The following TM2D2 variants were observed in gnomAD, a reference collection of about 807,000 sequenced individuals.
TM2D2 encodes TM2 domain containing 2.
A neutral mutation model predicts 23.0 loss-of-function variants in TM2D2; 19 were observed. That is an observed-to-expected ratio of 0.82 (90% CI 0.58 to 1.21). The LOEUF is 1.21. TM2D2 is among the 50% of genes most tolerant of loss of function. The probability of loss-of-function intolerance (pLI) is 0.00; values close to 1 mark genes in which losing one functional copy is unlikely to be tolerated. For synonymous variants in TM2D2, 120 were observed against 108.8 expected, an observed-to-expected ratio of 1.10 and a Z score of -0.64; for missense variants, 246 against 265.4, an observed-to-expected ratio of 0.93 and a Z score of 0.51.
chr8:38,992,303 CAAAAAAAAAAAAAAAA>C (rs11332696), intron 3 of TM2D2, among the ~76,000 whole-genome samples: 2 of 47,392 alleles, frequency 4.2e-5, no homozygotes, highest in African/African-American at 1.8e-4. Context: ...CTGTTTCTAC[CAAAAAAAAAAAAAAAA>C]AAAAAAAAAA....
intron 3 of TM2D2, 35 bp downstream of exon 3, chr8:38,993,510 C>A (rs772355117): frequency 6.6e-7 from 1 of 1,510,516 alleles, no homozygotes; most frequent in South Asian, 1.1e-5. Flanking sequence ...TACCTCCAAC[C>A]AAGTACCAAC....
In TM2D2 at chr8:38,995,367, T is replaced by G; in HGVS notation, c.266A>C (p.His89Pro). 6.2e-7 allele frequency: 1 copy of G among 1,608,616 alleles called. No individual in the cohort carries two copies. The highest frequency in any genetic ancestry group is 8.5e-7 in the Non-Finnish European group (1 of 1,178,474). Residue 89 changes from histidine to proline, a missense_variant, in exon 2 of 4, where the codon CAT (histidine) becomes CCT (proline). Transcript: ENST00000456397. The part of the protein sequence containing the change: ...EFIECEDPVD[H>P]VGNATASQEL... Reference sequence around the variant, plus strand: ...CTGGGATGCAGTTGCATTTCCAACATGATCCACTGGGTCTTCACATTCTAT... The same window carrying G: ...CTGGGATGCAGTTGCATTTCCAACAGGATCCACTGGGTCTTCACATTCTAT...
In TM2D2 at chr8:38,996,365, A is replaced by T; in HGVS notation, c.75T>A (p.Leu25=). The change falls in exon 1 of 4, where the codon CTT becomes CTA. Residue 25 remains leucine (L), a synonymous_variant. Coordinates refer to ENST00000456397, the MANE Select transcript of TM2D2 (RefSeq NM_078473.3). ...GQAALLLGNL[L]LLHCVSRSHS... ...GGCTCCGAGACACACAATGCAGCAG[A>T]AGTAAATTCCCCAGCAGCAAAGCCG... 1 of 1,614,182 alleles carries T rather than the reference A, an allele frequency of 6.2e-7. No individual in the cohort carries two copies. Among genetic ancestry groups the T allele is most frequent in the South Asian group, 1.1e-5 (1 of 91,084 alleles).
At position 38,991,341 on chromosome 8, in the gene TM2D2, A is replaced by G. The variant is rs773874281; in HGVS notation, c.636T>C (p.Thr212=). 4 of 1,613,930 alleles carry G rather than the reference A, an allele frequency of 2.5e-6. No individual in the cohort carries two copies. Among genetic ancestry groups the G allele is most frequent in the Non-Finnish European group, 3.4e-6 (4 of 1,179,888 alleles). The change falls in exon 4 of 4, where the codon ACT becomes ACC. Residue 212 remains threonine, a synonymous_variant. Coordinates refer to ENST00000456397, the MANE Select transcript of TM2D2 (RefSeq NM_078473.3). ...LMPSDGSNWC[T]VY is the part of the protein sequence containing the mutation. ...ATGATGGCAGCTCTTCTTAGTAAACAGTGCACCAGTTGCTGCCATCACTTG... is the reference window on the plus strand; with the variant it reads ...ATGATGGCAGCTCTTCTTAGTAAACGGTGCACCAGTTGCTGCCATCACTTG...
At chr8:38,996,691 T>C (rs1835815154), upstream of TM2D2, 1 of 1,422,652 alleles carries the variant, frequency 7.0e-7, no homozygotes, top group Non-Finnish European at 9.2e-7. Flanking sequence ...TGCTCCTCCT[T>C]CTTTTGCGCC....
intron 1 of TM2D2, chr8:38,995,906 T>TA (rs1835762849): frequency 1.2e-6 from 1 of 824,212 alleles, no homozygotes; most frequent in Non-Finnish European, 1.7e-6. Flanking sequence ...GACCGACTAA[T>TA]ACTCTCCTTG....
chr8:38,996,802 T>G, upstream of TM2D2: 1 of 1,429,370 alleles, frequency 7.0e-7, no homozygotes, highest in Non-Finnish European at 9.1e-7. Flanking sequence ...TAGTGCTGGT[T>G]GCCACCGCCG....
chr8:38,996,027 C>T (rs1258183140), intron 1 of TM2D2, among the ~76,000 whole-genome samples, 186 bp downstream of exon 1: 1 of 152,228 alleles, frequency 6.6e-6, no homozygotes, highest in Non-Finnish European at 1.5e-5. Context: ...GCCTCTGTCA[C>T]TGACACACAA....
intron 2 of TM2D2, among the ~76,000 whole-genome samples, chr8:38,994,314 T>C (rs1240726550): frequency 2.0e-5 from 3 of 152,236 alleles, no homozygotes; most frequent in Non-Finnish European, 2.9e-5. Context: ...ATTCATTTTT[T>C]ACTGGTACCT....
chr8:38,995,093 T>C, intron 2 of TM2D2: 2 of 438,298 alleles, frequency 4.6e-6, no homozygotes, highest in Non-Finnish European at 8.0e-6. Flanking sequence ...AAAGACAGGT[T>C]GGTCTTTGCA....
chr8:38,996,893 G>A, upstream of TM2D2: 3 of 1,465,260 alleles, frequency 2.0e-6, no homozygotes, highest in East Asian at 2.5e-5. Context: ...AGCGAGCTCG[G>A]ACCGAGGGCT....
chr8:38,991,765 T>C (rs969480536), intron 3 of TM2D2, among the ~76,000 whole-genome samples: 1 of 152,140 alleles, frequency 6.6e-6, no homozygotes, highest in East Asian at 1.9e-4. Context: ...AGGCACATCA[T>C]GTTATACAAG....
At chr8:38,996,608 A>G (rs543781073), upstream of TM2D2, 256 of 1,446,562 alleles carry the variant, frequency 1.8e-4, 1 homozygote, top group African/African-American at 3.4e-3. Context: ...CCAACCAACT[A>G]GAAAAGGTCG....
upstream of TM2D2, chr8:38,996,944 T>C (rs886928190): frequency 2.2e-5 from 31 of 1,419,088 alleles, no homozygotes; most frequent in African/African-American, 5.9e-5. Flanking sequence ...CGGGCGCGCG[T>C]GCTCGTCGGG....
At chr8:38,996,590 C>A (rs940855412), upstream of TM2D2, 11 of 1,457,506 alleles carry the variant, frequency 7.5e-6, no homozygotes, top group South Asian at 1.4e-5. Context: ...ACGCTCCGCG[C>A]ACCTCCGCCA....
At chr8:38,996,862 G>C (rs1835822605), upstream of TM2D2, 2 of 1,458,340 alleles carry the variant, frequency 1.4e-6, no homozygotes, top group African/African-American at 2.8e-5. Flanking sequence ...CCCTACGTCA[G>C]CGCAGCTAGG....
chr8:38,991,319 A>C lies in TM2D2; in HGVS notation c.*13T>G, dbSNP rs762226465. Reference sequence around the variant, plus strand: ...CTTTCACCCGCCTCCCTGGGCCATGATGGCAGCTCTTCTTAGTAAACAGTG... The same window carrying C: ...CTTTCACCCGCCTCCCTGGGCCATGCTGGCAGCTCTTCTTAGTAAACAGTG... On this transcript the variant is annotated 3_prime_UTR_variant, in exon 4 of 4. Coordinates refer to ENST00000456397, the MANE Select transcript of TM2D2 (RefSeq NM_078473.3). 4.3e-6 allele frequency: 7 copies of C among 1,611,592 alleles called. No homozygotes were observed. Among genetic ancestry groups the C allele is most frequent in the Non-Finnish European group, 5.9e-6 (7 of 1,178,352 alleles).
chr8:38,996,516 T>G, upstream of TM2D2: 1 of 1,573,646 alleles, frequency 6.4e-7, no homozygotes, highest in East Asian at 2.3e-5. Flanking sequence ...AACTGCGTGG[T>G]CAGGCCTTTC....
chr8:38,995,816 T>C (rs764407263), intron 1 of TM2D2: 18 of 1,218,938 alleles, frequency 1.5e-5, no homozygotes, highest in Non-Finnish European at 1.8e-5. Context: ...AGAATATTGA[T>C]TGCTTTTTTA....
Sources: allele counts gnomAD v4.1 joint callset (sites outside exome capture counted in the v4.1 genomes callset), GRCh38; gene constraint gnomAD v4.1.1; transcripts MANE v1.5; gene names NCBI Gene and HGNC (gene_info 2026-07-23, HGNC 2026-07-21).